JAK1: variants seen among roughly 807,000 people sequenced by gnomAD.
JAK1 encodes the protein tyrosine-protein kinase JAK1.
JAK1 carries 16 observed loss-of-function variants against 136.6 expected under a neutral mutation model. The ratio of observed to expected loss-of-function variants is 0.12; its 90% CI spans 0.08 to 0.18. The LOEUF (loss-of-function observed/expected upper bound fraction) is 0.18, where lower values mean the gene tolerates loss of function less well. Ranked by LOEUF, JAK1 falls within the 10% of genes least tolerant of loss-of-function variation. JAK1 has a pLI of 1.00. For synonymous variants in JAK1, 492 were observed against 519.5 expected (o/e 0.95, Z 0.72); for missense variants, 859 against 1,450.1 (o/e 0.59, Z 6.62).
chr1:64,917,329 A>G (rs1645415547), intron 1 of JAK1, among the ~76,000 whole-genome samples: 1 of 152,206 alleles, frequency 6.6e-6, no homozygotes, highest in Non-Finnish European at 1.5e-5. Flanking sequence ...ATCAAGATAC[A>G]GTTAGACATC....
At chr1:65,026,115 A>G (rs1646976058) in intron 2 of JAK1, among the ~76,000 whole-genome samples, 1 of 152,156 alleles carries the variant, frequency 6.6e-6, no homozygotes, top group African/African-American at 2.4e-5. Context: ...CTGGGTCATA[A>G]CTTTGTCTAC....
chr1:64,881,286 TA>T lies in JAK1; in HGVS notation c.205+1990del, dbSNP rs1245640139. On this transcript the variant is annotated intron_variant, in intron 3 of 24. Transcript: ENST00000342505. ...CTAAAAAATATTAAAATTTTAAATT[TA>T]AAAAAAAGTATTACCCTTTAATCCT... Among the ~76,000 whole-genome samples the T allele has an allele frequency of 1.6e-5, 2 of 122,812 alleles. 1 individual carries two copies. The highest frequency in any genetic ancestry group is 3.6e-5 in the Non-Finnish European group (2 of 55,422). 80.6% of individuals were successfully genotyped at this position (122,812 alleles called of 152,430 possible).
At chr1:64,926,626 G>C (rs1376118273) in intron 1 of JAK1, among the ~76,000 whole-genome samples, 1 of 151,976 alleles carries the variant, frequency 6.6e-6, no homozygotes, top group East Asian at 1.9e-4. Context: ...GACTTGATGT[G>C]GCTGCCATTC....
chr1:64,894,598 AAAAAAAC>A (rs542981583), intron 1 of JAK1, among the ~76,000 whole-genome samples: 41 of 152,130 alleles, frequency 2.7e-4, no homozygotes, highest in South Asian at 2.1e-3. Context: ...GTCTCTACTA[AAAAAAAC>A]AAAAAACAAA....
At chr1:64,909,916 G>T (rs5028628) in intron 1 of JAK1, among the ~76,000 whole-genome samples, 150,612 of 152,254 alleles carry the variant, frequency 0.99, 74,515 homozygotes, top group Middle Eastern at 1. Context: ...TGTCCAAGAG[G>T]TTAATAGGCA....
At chr1:65,059,034 T>C (rs1488366911) in intron 1 of JAK1, among the ~76,000 whole-genome samples, 4 of 152,144 alleles carry the variant, frequency 2.6e-5, no homozygotes, top group African/African-American at 9.7e-5. Flanking sequence ...CTATATGTTT[T>C]CTCATTTGGT....
At chr1:64,905,458 A>T (rs1645175496) in intron 1 of JAK1, among the ~76,000 whole-genome samples, 1 of 152,208 alleles carries the variant, frequency 6.6e-6, no homozygotes, top group Non-Finnish European at 1.5e-5. Flanking sequence ...AATCCTGTTA[A>T]AGGTAATAGC....
intron 2 of JAK1, among the ~76,000 whole-genome samples, chr1:65,023,399 A>T (rs1343317035): frequency 6.6e-6 from 1 of 152,154 alleles, no homozygotes; most frequent in Non-Finnish European, 1.5e-5. Context: ...CTTGGCCAAC[A>T]GATTTCGATA....
At chr1:65,032,258 G>A (rs540929797) in intron 2 of JAK1, among the ~76,000 whole-genome samples, 45 of 152,202 alleles carry the variant, frequency 3.0e-4, no homozygotes, top group East Asian at 5.8e-4. Flanking sequence ...GAGCCACCAC[G>A]CCCAGCCTAG....
chr1:65,029,069 T>A (rs550964367), intron 2 of JAK1, among the ~76,000 whole-genome samples: 1 of 152,206 alleles, frequency 6.6e-6, no homozygotes, highest in South Asian at 2.1e-4. Context: ...GAGGATACCA[T>A]CTTCTTACAA....
At chr1:64,985,728 G>A (rs1646592546) in intron 2 of JAK1, 8 of 686,266 alleles carry the variant, frequency 1.2e-5, no homozygotes, top group South Asian at 1.1e-4. Context: ...AACCAAGTAG[G>A]CCAGGATCAG....
chr1:64,896,668 G>A (rs1016616357), intron 1 of JAK1, among the ~76,000 whole-genome samples: 7 of 152,138 alleles, frequency 4.6e-5, no homozygotes, highest in Admixed American at 3.3e-4. Flanking sequence ...TATCGCCAAA[G>A]AAGAATTAGC....
At chr1:65,007,643 A>G (rs1015981265) in intron 2 of JAK1, among the ~76,000 whole-genome samples, 19 of 151,838 alleles carry the variant, frequency 1.3e-4, no homozygotes, top group Admixed American at 1.2e-3. Context: ...CTGTATTTTT[A>G]GTAGAGACAG....
intron 7 of JAK1, among the ~76,000 whole-genome samples, chr1:64,865,367 G>C (rs1368852849): frequency 6.6e-6 from 1 of 152,180 alleles, no homozygotes; most frequent in Non-Finnish European, 1.5e-5. Flanking sequence ...AGCTGAACAT[G>C]AGCTTTCTCC....
chr1:65,015,437 A>G (rs1646884740), intron 2 of JAK1, among the ~76,000 whole-genome samples: 1 of 152,204 alleles, frequency 6.6e-6, no homozygotes, highest in Non-Finnish European at 1.5e-5. Context: ...CTAAAAAATA[A>G]TAAAGACAGA....
At chr1:64,966,127 C>A (rs1160103261) in intron 1 of JAK1, among the ~76,000 whole-genome samples, 1 of 151,864 alleles carries the variant, frequency 6.6e-6, no homozygotes, top group Admixed American at 6.6e-5. Flanking sequence ...GACCTCCTCG[C>A]CGCCCGCCGG....
intron 2 of JAK1, among the ~76,000 whole-genome samples, chr1:65,031,176 A>AT (rs1647021188): frequency 6.8e-6 from 1 of 148,044 alleles, no homozygotes; most frequent in Non-Finnish European, 1.5e-5. Flanking sequence ...AAAAAAAAAA[A>AT]GGAAAAATAG....
chr1:65,014,434 G>A (rs1001066437), intron 2 of JAK1, among the ~76,000 whole-genome samples: 1 of 150,180 alleles, frequency 6.7e-6, no homozygotes, highest in African/African-American at 2.4e-5. Flanking sequence ...AAGAAAGAGA[G>A]AATGGGAGGG....
intron 1 of JAK1, among the ~76,000 whole-genome samples, chr1:64,922,206 T>C (rs1645506688): frequency 6.7e-6 from 1 of 149,558 alleles, no homozygotes; most frequent in East Asian, 2.1e-4. Context: ...AGTTAGTTAC[T>C]TGAGAACAAC....
Sources: gnomAD v4.1 joint callset for allele counts (sites outside exome capture counted in the v4.1 genomes callset) on GRCh38, gnomAD v4.1.1 for gene constraint, MANE v1.5 for transcripts, NCBI Gene and HGNC (gene_info 2026-07-23, HGNC 2026-07-21) for gene names.